The following DAP variants were observed in gnomAD, a reference collection of about 807,000 sequenced individuals.
DAP encodes death-associated protein 1.
In DAP, 8 loss-of-function variants were observed where a neutral mutation model predicts 13.8. The ratio of observed to expected loss-of-function variants is 0.58; its 90% CI spans 0.34 to 1.05. The LOEUF is 1.05. DAP is among the 50% of genes least tolerant of loss of function. The pLI, the probability that DAP is intolerant of heterozygous loss-of-function variation, is 0.03. For missense variants in DAP, 106 were observed against 133.2 expected (o/e 0.80, Z 1.01); for synonymous variants, 47 against 47.5 (o/e 0.99, Z 0.04).
At chr5:10,751,342 C>T (rs894543650) in intron 1 of DAP, among the ~76,000 whole-genome samples, 18 of 152,194 alleles carry the variant, frequency 1.2e-4, no homozygotes, top group African/African-American at 3.9e-4. Context: ...TCCCAGCCTA[C>T]GTAGTTGGCC....
intron 2 of DAP, among the ~76,000 whole-genome samples, chr5:10,722,641 T>C (rs1271066905): frequency 6.6e-6 from 1 of 150,416 alleles, no homozygotes; most frequent in African/African-American, 2.4e-5. Flanking sequence ...TATATACATA[T>C]ATATATATGT....
At chr5:10,713,014 C>T (rs1444214319) in intron 2 of DAP, among the ~76,000 whole-genome samples, 1 of 152,152 alleles carries the variant, frequency 6.6e-6, no homozygotes, top group African/African-American at 2.4e-5. Flanking sequence ...ATGAACTAGG[C>T]TGAGGGAAAA....
At chr5:10,749,405 C>A (rs914380231) in intron 1 of DAP, among the ~76,000 whole-genome samples, 1 of 152,184 alleles carries the variant, frequency 6.6e-6, no homozygotes, top group African/African-American at 2.4e-5. Flanking sequence ...AAAGCCTCCA[C>A]ACTATTTCAC....
At chr5:10,751,779 G>A (rs1740053539) in intron 1 of DAP, among the ~76,000 whole-genome samples, 1 of 152,218 alleles carries the variant, frequency 6.6e-6, no homozygotes, top group African/African-American at 2.4e-5. Context: ...GGCCTGCAAG[G>A]AAACAGCAAG....
At chr5:10,734,575 G>T (rs895551743) in intron 2 of DAP, among the ~76,000 whole-genome samples, 1 of 152,112 alleles carries the variant, frequency 6.6e-6, no homozygotes, top group Non-Finnish European at 1.5e-5. Context: ...GAGGAATCAG[G>T]CTAGATTCAC....
At chr5:10,732,755 A>AC (rs1739497247) in intron 2 of DAP, among the ~76,000 whole-genome samples, 1 of 152,244 alleles carries the variant, frequency 6.6e-6, no homozygotes, top group African/African-American at 2.4e-5. Flanking sequence ...ACTGCTTACC[A>AC]CAGCAGCAAG....
intron 2 of DAP, among the ~76,000 whole-genome samples, chr5:10,719,354 T>C (rs964098849): frequency 1.3e-5 from 2 of 152,184 alleles, no homozygotes; most frequent in Non-Finnish European, 2.9e-5. Context: ...ACTTGGGCCA[T>C]ATGACCCAGC....
chr5:10,682,361 C>T (rs746750837), intron 3 of DAP, among the ~76,000 whole-genome samples: 83 of 151,760 alleles, frequency 5.5e-4, no homozygotes, highest in South Asian at 1.0e-3. Flanking sequence ...AAGCTCCAGG[C>T]CAGCGCCCAC....
At position 10,683,508 on chromosome 5, in the gene DAP, C is replaced by A. The variant is rs143543019; in HGVS notation, c.195+21G>T. 4.3e-6 allele frequency: 7 copies of A among 1,613,470 alleles called. No homozygotes were observed. In the South Asian group the frequency reaches 7.7e-5, roughly 18 times the overall value. On this transcript the variant is annotated intron_variant, in intron 3 of 3. Coordinates refer to ENST00000230895, the MANE Select transcript of DAP (RefSeq NM_004394.3). The stretch of plus-strand genomic sequence containing the variant: ...TGCCATGCAAAAGCCTCAAACCCAC[C>A]GCAGACACTCCCAGACTTACCCGGG...
At chr5:10,751,163 G>A (rs1740036849) in intron 1 of DAP, among the ~76,000 whole-genome samples, 1 of 152,050 alleles carries the variant, frequency 6.6e-6, no homozygotes, top group Admixed American at 6.5e-5. Flanking sequence ...CCTCCTGTGG[G>A]CCCACCTCTC....
rs1008836870 is a variant in DAP, at chr5:10,707,136, A to T, written c.153-23565T>A. 1.3e-5 allele frequency among the ~76,000 whole-genome samples: 2 copies of T among 152,210 alleles called. No homozygotes were observed. The highest frequency in any genetic ancestry group is 4.8e-5 in the African/African-American group (2 of 41,446). Reference sequence around the variant, plus strand: ...GGCTGGGGCTCAATGTCAAATGAATAATGAAAACTCAACTGGGCATTTACA... The same window carrying T: ...GGCTGGGGCTCAATGTCAAATGAATTATGAAAACTCAACTGGGCATTTACA... On this transcript the variant is annotated intron_variant, in intron 2 of 3. Coordinates refer to ENST00000230895, the MANE Select transcript of DAP (RefSeq NM_004394.3). The surrounding 1 kb of genome is among the most constrained non-coding windows in gnomAD (Gnocchi z 4.0).
At chr5:10,760,257 A>T (rs1431521719) in intron 1 of DAP, among the ~76,000 whole-genome samples, 1 of 152,106 alleles carries the variant, frequency 6.6e-6, no homozygotes, top group Non-Finnish European at 1.5e-5. Context: ...GTCCCTCCAT[A>T]TGGGCCGACT....
chr5:10,701,311 G>C (rs191607255), intron 2 of DAP, among the ~76,000 whole-genome samples: 1 of 152,338 alleles, frequency 6.6e-6, no homozygotes, highest in Admixed American at 6.5e-5. Context: ...AAAGAAGTCA[G>C]CTGTATCATG....
At chr5:10,689,019 C>T (rs1010888539) in intron 2 of DAP, among the ~76,000 whole-genome samples, 5 of 152,314 alleles carry the variant, frequency 3.3e-5, no homozygotes, top group Non-Finnish European at 5.9e-5. Flanking sequence ...CAGTCCCGCC[C>T]TTCCTCCCTG....
At chr5:10,696,344 G>A (rs546012785) in intron 2 of DAP, among the ~76,000 whole-genome samples, 1 of 152,176 alleles carries the variant, frequency 6.6e-6, no homozygotes, top group Non-Finnish European at 1.5e-5. Context: ...GGTGTGGCGG[G>A]GGGGAGGCTT....
At chr5:10,695,943 T>C (rs1274350589) in intron 2 of DAP, among the ~76,000 whole-genome samples, 1 of 151,958 alleles carries the variant, frequency 6.6e-6, no homozygotes, top group Non-Finnish European at 1.5e-5. Context: ...CATCAGTAGA[T>C]GACGTGTTCC....
At chr5:10,702,482 T>C (rs1357296397) in intron 2 of DAP, among the ~76,000 whole-genome samples, 1 of 152,186 alleles carries the variant, frequency 6.6e-6, no homozygotes, top group East Asian at 1.9e-4. Context: ...CCCAAGCAAA[T>C]GGGCCCTTCC....
At chr5:10,693,118 G>GCA (rs1300468761) in intron 2 of DAP, among the ~76,000 whole-genome samples, 2 of 57,256 alleles carry the variant, frequency 3.5e-5, no homozygotes, top group Non-Finnish European at 6.4e-5. Context: ...GGAGAAACAT[G>GCA]CACACGCACA....
At chr5:10,683,925 C>T (rs1322110033) in intron 2 of DAP, among the ~76,000 whole-genome samples, 1 of 152,178 alleles carries the variant, frequency 6.6e-6, no homozygotes, top group South Asian at 2.1e-4. Context: ...CTCCTAGACT[C>T]AAGTGATCCT....
Sources: gnomAD v4.1 joint callset for allele counts (sites outside exome capture counted in the v4.1 genomes callset) on GRCh38, gnomAD v4.1.1 for gene constraint, Gnocchi (gnomAD v3.1) non-coding constraint, MANE v1.5 for transcripts, NCBI Gene and HGNC (gene_info 2026-07-23, HGNC 2026-07-21) for gene names.